TMEM87A: variants seen among roughly 807,000 people sequenced by gnomAD.
TMEM87A encodes the protein transmembrane protein 87A.
Under a neutral mutation model 90.0 loss-of-function variants are expected in TMEM87A, and 50 were observed. The observed-to-expected ratio is 0.56, with a 90% CI of 0.44 to 0.70. The LOEUF (loss-of-function observed/expected upper bound fraction) is 0.70. Among genes scored for constraint, TMEM87A ranks in the 30% least tolerant of loss-of-function variants. TMEM87A has a pLI of 0.00. For missense variants in TMEM87A, 577 were observed against 660.5 expected (o/e 0.87, Z 1.39); for synonymous variants, 226 against 226.7 (o/e 1.00, Z 0.03).
At chr15:42,215,943 C>CTAAAATAGA (rs1380722465) in intron 19 of TMEM87A, among the ~76,000 whole-genome samples, 1 of 152,182 alleles carries the variant, frequency 6.6e-6, no homozygotes, top group African/African-American at 2.4e-5. Context: ...CTCCCATGTT[C>CTAAAATAGA]ACTGCAACAT....
chr15:42,226,811 G>A lies in TMEM87A; in HGVS notation c.1398C>T (p.Asn466=). The part of the protein sequence containing the change: ...IMVLWRPSAN[N]QRFAFSPLSE... ...AAACAGAAGAGTCCAAGAACCTCTG[G>A]TTGTTTGCAGATGGTCGCCAGAGAA... The change falls in exon 15 of 20, where the codon AAC becomes AAT. Residue 466 remains asparagine, a synonymous_variant. Coordinates refer to ENST00000389834, the MANE Select transcript of TMEM87A (RefSeq NM_015497.5). 5 of 1,613,888 alleles carry A rather than the reference G, an allele frequency of 3.1e-6. No homozygotes were observed. Among genetic ancestry groups the A allele is most frequent in the Non-Finnish European group, 4.2e-6 (5 of 1,179,886 alleles).
chr15:42,223,892 T>C (rs544372440), intron 15 of TMEM87A, among the ~76,000 whole-genome samples: 143 of 152,354 alleles, frequency 9.4e-4, no homozygotes, highest in African/African-American at 3.2e-3. Context: ...TCTCATACCA[T>C]TGTTGTTAAA....
chr15:42,251,097 T>C (rs374030748), intron 6 of TMEM87A, among the ~76,000 whole-genome samples: 150 of 152,310 alleles, frequency 9.8e-4, no homozygotes, highest in African/African-American at 3.4e-3. Context: ...CATCAGGTCA[T>C]TTAAGGTCTT....
chr15:42,228,918 C>T (rs1281911215), intron 12 of TMEM87A, 98 bp from the exon 13 acceptor site: 1 of 778,710 alleles, frequency 1.3e-6, no homozygotes, highest in Admixed American at 2.8e-5. Flanking sequence ...TGCCAATAAA[C>T]TTATAGATCT....
At chr15:42,227,653 C>T in intron 14 of TMEM87A, 58 bp downstream of exon 14, 1 of 1,493,434 alleles carries the variant, frequency 6.7e-7, no homozygotes. Context: ...CCACTGTCAT[C>T]AACACCATCA....
At chr15:42,239,097 G>A (rs577477400) in intron 8 of TMEM87A, among the ~76,000 whole-genome samples, 4 of 152,234 alleles carry the variant, frequency 2.6e-5, no homozygotes, top group East Asian at 3.9e-4. Flanking sequence ...AGGCTGGAGT[G>A]CAGTGGCAAG....
chr15:42,223,613 C>A (rs2140922386), intron 15 of TMEM87A, among the ~76,000 whole-genome samples: 1 of 152,284 alleles, frequency 6.6e-6, no homozygotes, highest in Non-Finnish European at 1.5e-5. Flanking sequence ...GCCCTTCCAC[C>A]TTCTGTCATG....
At chr15:42,222,249 G>C (rs1054656206) in intron 15 of TMEM87A, among the ~76,000 whole-genome samples, 2 of 152,048 alleles carry the variant, frequency 1.3e-5, no homozygotes, top group South Asian at 2.1e-4. Context: ...GTAGAGACGG[G>C]GTTTTTCTAG....
chr15:42,266,430 C>G (rs2051405714), intron 3 of TMEM87A, among the ~76,000 whole-genome samples: 1 of 151,560 alleles, frequency 6.6e-6, no homozygotes, highest in African/African-American at 2.4e-5. Flanking sequence ...GCTGGACAAT[C>G]ACTTGAACCC....
In TMEM87A at chr15:42,216,109, T is replaced by C. The variant is rs2050379123; in HGVS notation, c.1626+1694A>G. Among the ~76,000 whole-genome samples the C allele has an allele frequency of 4.6e-5, 7 of 152,314 alleles. No individual in the cohort carries two copies. In the South Asian group the frequency reaches 1.4e-3, roughly 32 times the overall value. On this transcript the variant is annotated intron_variant, in intron 19 of 19. Transcript: ENST00000389834. The stretch of plus-strand genomic sequence containing the variant: ...CAACTTAGATAAATCTTGAAGACAT[T>C]ATGCTAAGTGAAATAAGCAAGCCAC...
In TMEM87A at chr15:42,265,594, G is replaced by A. The variant is rs146408850; in HGVS notation, c.292-1391C>T. 1.5e-4 allele frequency among the ~76,000 whole-genome samples: 23 copies of A among 152,058 alleles called. No homozygotes were observed. In the East Asian group the frequency reaches 4.4e-3, roughly 29 times the overall value. On this transcript the variant is annotated intron_variant, in intron 3 of 19. Transcript: ENST00000389834. The stretch of plus-strand genomic sequence containing the variant: ...TTTGTTTAAGTTCCTTATAGAGGCT[G>A]GATATTAGACCTTTGTTGGATGCAT...
intron 16 of TMEM87A, 135 bp from the exon 17 acceptor site, chr15:42,219,777 C>T: frequency 1.5e-6 from 1 of 687,818 alleles, no homozygotes; most frequent in Non-Finnish European, 2.4e-6. Flanking sequence ...TTTAAGCTTC[C>T]TAATACTTGT....
chr15:42,236,474 G>T, intron 9 of TMEM87A, 55 bp from the exon 10 acceptor site: 7 of 1,457,956 alleles, frequency 4.8e-6, no homozygotes, highest in Non-Finnish European at 6.7e-6. Context: ...CAACAGGCCA[G>T]ATGCCAATAC....
intron 4 of TMEM87A, among the ~76,000 whole-genome samples, chr15:42,263,006 A>C (rs1485565207): frequency 6.6e-6 from 1 of 152,210 alleles, no homozygotes; most frequent in African/African-American, 2.4e-5. Context: ...CTTTCTACAA[A>C]ATTAAGGTGT....
At chr15:42,220,309 G>A (rs2050454135) in intron 15 of TMEM87A, among the ~76,000 whole-genome samples, 174 bp from the exon 16 acceptor site, 1 of 152,142 alleles carries the variant, frequency 6.6e-6, no homozygotes, top group South Asian at 2.1e-4. Context: ...TATTAGCAAG[G>A]GAGAAGCAGG....
chr15:42,216,445 A>G (rs923330118), intron 19 of TMEM87A, among the ~76,000 whole-genome samples: 2 of 152,218 alleles, frequency 1.3e-5, no homozygotes, highest in Non-Finnish European at 2.9e-5. Context: ...TCACAGAGGA[A>G]AATATGAACA....
intron 6 of TMEM87A, among the ~76,000 whole-genome samples, chr15:42,257,006 C>T (rs2140972689): frequency 6.6e-6 from 1 of 152,304 alleles, no homozygotes; most frequent in Non-Finnish European, 1.5e-5. Context: ...GTGTGAGCCA[C>T]AGCGCCTGGC....
chr15:42,273,330 T>A lies in TMEM87A; in HGVS notation c.69A>T (p.Pro23=). The change falls in exon 1 of 20, where the codon CCA becomes CCT. Residue 23 remains proline (P), a synonymous_variant. Coordinates refer to ENST00000389834, the MANE Select transcript of TMEM87A (RefSeq NM_015497.5). Reference sequence around the variant, plus strand: ...CCGGTCCCGCACTGAAAAACGACAGTGGTGACGGGTGAGCTCCCAGAAGCA... The same window carrying A: ...CCGGTCCCGCACTGAAAAACGACAGAGGTGACGGGTGAGCTCCCAGAAGCA... ...ILLLLGAHPS[P]LSFFSAGPAT... 1 of 1,614,036 alleles carries A rather than the reference T, an allele frequency of 6.2e-7. No individual in the cohort carries two copies. The highest frequency in any genetic ancestry group is 8.5e-7 in the Non-Finnish European group (1 of 1,180,020).
intron 14 of TMEM87A, among the ~76,000 whole-genome samples, chr15:42,227,321 T>C (rs2050612694): frequency 6.6e-6 from 1 of 152,346 alleles, no homozygotes; most frequent in African/African-American, 2.4e-5. Flanking sequence ...GAAATCCTAC[T>C]GTCACAGTCG....
Sources: allele counts gnomAD v4.1 joint callset (sites outside exome capture counted in the v4.1 genomes callset), GRCh38; gene constraint gnomAD v4.1.1; transcripts MANE v1.5; gene names NCBI Gene and HGNC (gene_info 2026-07-23, HGNC 2026-07-21).